Variants in HMX1 observed in about 807,000 individuals in gnomAD.
HMX1 encodes H6 family homeobox 1.
A neutral mutation model predicts 8.9 loss-of-function variants in HMX1; 8 were observed. The ratio of observed to expected loss-of-function variants is 0.90; its 90% CI spans 0.53 to 1.63. The LOEUF is 1.63. Ranked by LOEUF, HMX1 falls within the 40% of genes most tolerant of loss-of-function variation. The pLI is 0.00. For missense variants in HMX1, 621 were observed against 558.5 expected (o/e 1.11, Z -1.13); for synonymous variants, 311 against 283.4 (o/e 1.10, Z -0.98).
chr4:8,869,822 G>A (rs950310321), intron 1 of HMX1, among the ~76,000 whole-genome samples: 1 of 152,168 alleles, frequency 6.6e-6, no homozygotes, highest in African/African-American at 2.4e-5. Context: ...GAAATAAGGG[G>A]GAGCCGCCTC....
chr4:8,859,809 C>T (rs1200787692), intron 1 of HMX1, among the ~76,000 whole-genome samples: 1 of 152,248 alleles, frequency 6.6e-6, no homozygotes, highest in African/African-American at 2.4e-5. Flanking sequence ...AAGGGCTGAT[C>T]AGCTCCCGTC....
At chr4:8,864,087 A>C (rs1721916561), downstream of HMX1, among the ~76,000 whole-genome samples, 3 of 152,226 alleles carry the variant, frequency 2.0e-5, no homozygotes, top group Admixed American at 2.0e-4. Flanking sequence ...TGAGAGGCCC[A>C]GAGGAGGTGG....
chr4:8,846,937 G>C (rs990628411), intron 1 of HMX1, among the ~76,000 whole-genome samples: 1 of 152,154 alleles, frequency 6.6e-6, no homozygotes, highest in African/African-American at 2.4e-5. Flanking sequence ...ATTTTAATCA[G>C]TGGCCACTGT....
intron 1 of HMX1, among the ~76,000 whole-genome samples, chr4:8,861,838 C>A (rs1721836616): frequency 6.6e-6 from 1 of 152,270 alleles, no homozygotes; most frequent in Non-Finnish European, 1.5e-5. Context: ...GCAGACCAAG[C>A]ACGCCGAGTG....
At position 8,871,509 on chromosome 4, in the gene HMX1, T is replaced by C; in HGVS notation, c.106A>G (p.Thr36Ala). Residue 36 changes from threonine (T) to alanine (A), a missense_variant, in exon 1 of 2, where the codon ACC (threonine) becomes GCC (alanine). Thr to Ala is a moderately conservative substitution (Grantham distance 58). Transcript: ENST00000400677. This position sits in a 1 kb window ranked among gnomAD's most constrained non-coding sequence, Gnocchi z 4.8. ...TCCTCCCGGCTGCCGTCGCCCTGGGTCGCGCGCCCTGCGCCCTTGGCCTCG... is the reference window on the plus strand; with the variant it reads ...TCCTCCCGGCTGCCGTCGCCCTGGGCCGCGCGCCCTGCGCCCTTGGCCTCG... The part of the protein sequence containing the change: ...AAEAKGAGRA[T>A]QGDGSREDEE... 2 of 1,337,892 alleles carry C rather than the reference T, an allele frequency of 1.5e-6. No individual in the cohort carries two copies. Among genetic ancestry groups the C allele is most frequent in the South Asian group, 1.7e-5 (1 of 59,156 alleles). The allele number at this position is 1,337,892 out of a possible 1,614,324, so 82.9% of individuals were successfully genotyped here.
chr4:8,864,824 G>A (rs144162666), downstream of HMX1, among the ~76,000 whole-genome samples: 20,015 of 152,130 alleles, frequency 0.13, 1,939 homozygotes, highest in African/African-American at 0.27. Flanking sequence ...CTCCTCCCAC[G>A]CCGGCTCCCT....
intron 1 of HMX1, among the ~76,000 whole-genome samples, chr4:8,869,656 G>A (rs1439033319): frequency 6.6e-6 from 1 of 152,218 alleles, no homozygotes; most frequent in Non-Finnish European, 1.5e-5. Flanking sequence ...CACCCACAGG[G>A]GAGTCAGGCA....
At chr4:8,862,677 T>G (rs972943539), downstream of HMX1, among the ~76,000 whole-genome samples, 10 of 152,252 alleles carry the variant, frequency 6.6e-5, no homozygotes, top group Non-Finnish European at 1.5e-4. Flanking sequence ...CTTTTGATGT[T>G]GGAAGTGCAG....
At chr4:8,862,416 TC>T (rs1721858373), downstream of HMX1, among the ~76,000 whole-genome samples, 1 of 152,182 alleles carries the variant, frequency 6.6e-6, no homozygotes, top group Non-Finnish European at 1.5e-5. Flanking sequence ...TAAAACAAAA[TC>T]GAGGGAGGCT....
chr4:8,861,381 G>A (rs964105732), intron 1 of HMX1, among the ~76,000 whole-genome samples: 7 of 152,194 alleles, frequency 4.6e-5, no homozygotes, highest in Non-Finnish European at 7.4e-5. Flanking sequence ...GTGCCGAGGA[G>A]CCTCTCCGCA....
Position 8,857,576 on chromosome 4 carries a change from C to G in HMX1, c.395-11252G>C, listed in dbSNP as rs28550803. On this transcript the variant is annotated intron_variant, in intron 1 of 1. Transcript: ENST00000506970. Reference sequence around the variant, plus strand: ...CCATCCCTGGCCTCGGCCTCCGCACCCCCCCGCCCCCCTGCCTGTGGAACC... The same window carrying G: ...CCATCCCTGGCCTCGGCCTCCGCACGCCCCCGCCCCCCTGCCTGTGGAACC... Among the ~76,000 whole-genome samples, 31 of 152,248 alleles carry G rather than the reference C, an allele frequency of 2.0e-4. 1 individual carries two copies. Among genetic ancestry groups the G allele is most frequent in the East Asian group, 1.4e-3 (7 of 5,160 alleles).
Position 8,870,369 on chromosome 4 carries a change from T to C in HMX1, c.394+852A>G, listed in dbSNP as rs1286359841. ...GGGGAAGCAGAACTAAGGGGTCAGA[T>C]ACCCAAGCAAGGGGGCAAAGGGGTT... On this transcript the variant is annotated intron_variant, in intron 1 of 1. Coordinates refer to ENST00000400677, the MANE Select transcript of HMX1 (RefSeq NM_018942.3). The surrounding 1 kb of genome is among the most constrained non-coding windows in gnomAD (Gnocchi z 4.4). Among the ~76,000 whole-genome samples, 6 of 150,674 alleles carry C rather than the reference T, an allele frequency of 4.0e-5. No homozygotes were observed. The highest frequency in any genetic ancestry group is 3.3e-4 in the Admixed American group (5 of 15,088).
chr4:8,867,662 G>T lies in HMX1; in HGVS notation c.*31C>A, dbSNP rs1383748527. On this transcript the variant is annotated 3_prime_UTR_variant, in exon 2 of 2. Transcript: ENST00000400677. Reference sequence around the variant, plus strand: ...ATCGCGCGTCCACACAGGTCCACAGGGTCGTGGGGAGAGGGCCCGGCAGGC... The same window carrying T: ...ATCGCGCGTCCACACAGGTCCACAGTGTCGTGGGGAGAGGGCCCGGCAGGC... 6 of 1,232,188 alleles carry T rather than the reference G, an allele frequency of 4.9e-6. No homozygotes were observed. The highest frequency in any genetic ancestry group is 6.1e-6 in the Non-Finnish European group (6 of 987,364). The allele number at this position is 1,232,188 out of a possible 1,614,324, so 76.3% of individuals were successfully genotyped here.
chr4:8,866,299 G>A (rs2109470750), downstream of HMX1, among the ~76,000 whole-genome samples: 1 of 152,314 alleles, frequency 6.6e-6, no homozygotes, highest in Non-Finnish European at 1.5e-5. Context: ...CACCCGGGGA[G>A]CGTCTACACC....
downstream of HMX1, among the ~76,000 whole-genome samples, chr4:8,866,464 G>A (rs765574458): frequency 8.5e-5 from 13 of 152,244 alleles, no homozygotes; most frequent in Non-Finnish European, 1.3e-4. Context: ...TGGGGCTGAT[G>A]GAGGTGGGGT....
At position 8,871,211 on chromosome 4, in the gene HMX1, C is replaced by T. The variant is rs1399519408; in HGVS notation, c.394+10G>A. ...ACCGCCTGACCCACCCTCCCCGCGCCCTCACTCACTGTCAGGACTGAGGCC... is the reference window on the plus strand; with the variant it reads ...ACCGCCTGACCCACCCTCCCCGCGCTCTCACTCACTGTCAGGACTGAGGCC... On this transcript the variant is annotated intron_variant, in intron 1 of 1. Coordinates refer to ENST00000400677, the MANE Select transcript of HMX1 (RefSeq NM_018942.3). This position sits in a 1 kb window ranked among gnomAD's most constrained non-coding sequence, Gnocchi z 4.8. 3 of 1,429,988 alleles carry T rather than the reference C, an allele frequency of 2.1e-6. No homozygotes were observed. The highest frequency in any genetic ancestry group is 2.8e-5 in the South Asian group (2 of 70,392). The allele number at this position is 1,429,988 out of a possible 1,614,324, so 88.6% of individuals were successfully genotyped here. A position where few individuals can be genotyped will look rare whatever the true frequency, so the allele number is the denominator to read the frequency against.
At chr4:8,862,886 A>C (rs1721874481), downstream of HMX1, among the ~76,000 whole-genome samples, 1 of 152,096 alleles carries the variant, frequency 6.6e-6, no homozygotes, top group Non-Finnish European at 1.5e-5. Context: ...CGTGCATGAC[A>C]CGCAGAGCTT....
rs896718991 is a variant in HMX1, at chr4:8,849,633, G to A, written c.395-3309C>T. On this transcript the variant is annotated intron_variant, in intron 1 of 1. Transcript: ENST00000506970. This position sits in a 1 kb window ranked among gnomAD's most constrained non-coding sequence, Gnocchi z 6.6. ...CCCCAGGACACTCACGGAGACACAC[G>A]CAGGGCAGCTCTCCTGGGGTCCCCC... Among the ~76,000 whole-genome samples, 4 of 152,176 alleles carry A rather than the reference G, an allele frequency of 2.6e-5. No individual in the cohort carries two copies. The highest frequency in any genetic ancestry group is 7.2e-5 in the African/African-American group (3 of 41,464).
In HMX1 at chr4:8,871,189, G is replaced by C. The variant is rs961487577; in HGVS notation, c.394+32C>G. ...CGCAGGGAGGAAGTCGGGCCCCACC[G>C]CCTGACCCACCCTCCCCGCGCCCTC... On this transcript the variant is annotated intron_variant, in intron 1 of 1. Coordinates refer to ENST00000400677, the MANE Select transcript of HMX1 (RefSeq NM_018942.3). The surrounding 1 kb of genome is among the most constrained non-coding windows in gnomAD (Gnocchi z 4.8). 2.9e-6 allele frequency: 4 copies of C among 1,381,342 alleles called. No individual in the cohort carries two copies. The highest frequency in any genetic ancestry group is 3.1e-5 in the African/African-American group (2 of 64,684). 85.6% of individuals were successfully genotyped at this position (1,381,342 alleles called of 1,614,324 possible).
Sources: allele counts gnomAD v4.1 joint callset (sites outside exome capture counted in the v4.1 genomes callset), GRCh38; gene constraint gnomAD v4.1.1; non-coding constraint Gnocchi (gnomAD v3.1); transcripts MANE v1.5; gene names NCBI Gene and HGNC (gene_info 2026-07-23, HGNC 2026-07-21).